Variants in ZC3H14 observed in about 807,000 individuals in gnomAD.
ZC3H14 encodes the protein zinc finger CCCH-type containing 14.
Under a neutral mutation model 92.4 loss-of-function variants are expected in ZC3H14, and 31 were observed. That is an observed-to-expected ratio of 0.34 (90% confidence interval 0.25 to 0.45). ZC3H14 has a LOEUF of 0.45. ZC3H14 is among the 20% of genes least tolerant of loss of function. The pLI, the probability that ZC3H14 is intolerant of heterozygous loss-of-function variation, is 1.00. For missense variants in ZC3H14, 781 were observed against 897.3 expected, an observed-to-expected ratio of 0.87 and a Z score of 1.66; for synonymous variants, 321 against 300.9, an observed-to-expected ratio of 1.07 and a Z score of -0.69.
In ZC3H14 at chr14:88,626,893, A is replaced by G; in HGVS notation, c.*15142A>G. Reference sequence around the variant, plus strand: ...CATCCGGGCATCTTCCAGTGTGCTCAGTAGCCCTTTTTTGCTAAGAAGAGC... The same window carrying G: ...CATCCGGGCATCTTCCAGTGTGCTCGGTAGCCCTTTTTTGCTAAGAAGAGC... On this transcript the variant is annotated 3_prime_UTR_variant, in exon 17 of 17. Transcript: ENST00000251038. 3.7e-6 allele frequency: 6 copies of G among 1,614,020 alleles called. No homozygotes were observed. Among genetic ancestry groups the G allele is most frequent in the Non-Finnish European group, 5.1e-6 (6 of 1,179,882 alleles).
chr14:88,626,946 ATG>A lies in ZC3H14; in HGVS notation c.*15197_*15198del. The A allele has an allele frequency of 6.2e-7, 1 of 1,613,960 alleles. No individual in the cohort carries two copies. The highest frequency in any genetic ancestry group is 8.5e-7 in the Non-Finnish European group (1 of 1,179,850). ...TTCCTGCCAGGGTCCAGAACTTCAC[ATG>A]TTTTACTCCCACTGAGACAAACTGG... On this transcript the variant is annotated 3_prime_UTR_variant, in exon 17 of 17. Coordinates refer to ENST00000251038, the MANE Select transcript of ZC3H14 (RefSeq NM_024824.5).
intron 3 of ZC3H14, 58 bp downstream of exon 3, chr14:88,568,211 T>C (rs1380718108): frequency 4.9e-6 from 7 of 1,437,062 alleles, no homozygotes; most frequent in South Asian, 2.4e-5. Context: ...TGAGTTGATA[T>C]TCTGTCCAAA....
Position 88,625,073 on chromosome 14 carries a change from G to T in ZC3H14, c.*13322G>T. 1 of 1,613,864 alleles carries T rather than the reference G, an allele frequency of 6.2e-7. No homozygotes were observed. Among genetic ancestry groups the T allele is most frequent in the Non-Finnish European group, 8.5e-7 (1 of 1,179,824 alleles). ...CTCGCCACGATTCTACACAATATGTGATCTTTCCACACACAGACATCACCA... is the reference window on the plus strand; with the variant it reads ...CTCGCCACGATTCTACACAATATGTTATCTTTCCACACACAGACATCACCA... On this transcript the variant is annotated 3_prime_UTR_variant, in exon 17 of 17. Coordinates refer to ENST00000251038, the MANE Select transcript of ZC3H14 (RefSeq NM_024824.5).
chr14:88,605,653 T>C (rs967894048), intron 12 of ZC3H14, among the ~76,000 whole-genome samples: 2 of 152,178 alleles, frequency 1.3e-5, no homozygotes, highest in Non-Finnish European at 2.9e-5. Context: ...AATAGGACTT[T>C]TACTATTTTT....
intron 9 of ZC3H14, among the ~76,000 whole-genome samples, chr14:88,593,634 G>C (rs190223906): frequency 7.9e-5 from 12 of 152,214 alleles, no homozygotes; most frequent in African/African-American, 1.2e-4. Context: ...AAAAGAATAG[G>C]TTTTTCCACA....
chr14:88,569,515 T>C (rs1854103101), intron 3 of ZC3H14, among the ~76,000 whole-genome samples: 1 of 152,188 alleles, frequency 6.6e-6, no homozygotes. Flanking sequence ...TGCTAGGTCC[T>C]GGTACCAGGT....
chr14:88,574,676 A>C lies in ZC3H14; in HGVS notation c.862-17A>C. ...ATTTTCTGAGATTAGGTAAGCATAA[A>C]TTTTATCTGATTGCAGGATGAAAAC... On this transcript the variant is annotated splice_polypyrimidine_tract_variant and intron_variant, in intron 6 of 16. Coordinates refer to ENST00000251038, the MANE Select transcript of ZC3H14 (RefSeq NM_024824.5). 6.2e-7 allele frequency: 1 copy of C among 1,614,002 alleles called. No individual in the cohort carries two copies. The highest frequency in any genetic ancestry group is 1.3e-5 in the African/African-American group (1 of 75,050).
chr14:88,602,083 G>A lies in ZC3H14; in HGVS notation c.1514G>A (p.Arg505Gln). ...RVLSGHLMQTRDLVQPDKPAS... is the reference protein window; with the variant it reads ...RVLSGHLMQTQDLVQPDKPAS... ...CTTTCAGGACACCTTATGCAGACAC[G>A]GTAGATGGTTTCTTTTTCTTGTGTA... The change falls in exon 11 of 17, where the codon CGA becomes CAA. Residue 505 changes from arginine (R) to glutamine (Q), a missense_variant and splice_region_variant. By Grantham distance (43) the Arg-to-Gln change is conservative. This residue lies in a region of ZC3H14 where 221 missense variants were observed against 304.7 expected (regional missense o/e 0.73). Coordinates refer to ENST00000251038, the MANE Select transcript of ZC3H14 (RefSeq NM_024824.5). 4.3e-6 allele frequency: 7 copies of A among 1,613,758 alleles called. No homozygotes were observed. Among genetic ancestry groups the A allele is most frequent in the Non-Finnish European group, 5.9e-6 (7 of 1,179,742 alleles).
intron 8 of ZC3H14, 80 bp downstream of exon 8, chr14:88,576,020 A>G (rs1382261190): frequency 4.8e-6 from 6 of 1,247,794 alleles, no homozygotes; most frequent in Non-Finnish European, 6.9e-6. Flanking sequence ...TGCTCCTTAA[A>G]TTGTAAAATA....
rs373144086 is a variant in ZC3H14, at chr14:88,616,153, A to G, written c.*4402A>G. 7.4e-6 allele frequency: 12 copies of G among 1,613,732 alleles called. No homozygotes were observed. The African/African-American group carries it at 1.6e-4, about 22-fold the overall frequency. On this transcript the variant is annotated 3_prime_UTR_variant, in exon 17 of 17. Coordinates refer to ENST00000251038, the MANE Select transcript of ZC3H14 (RefSeq NM_024824.5). Reference sequence around the variant, plus strand: ...AGAAAGTTACTAACCTGCAGTCATCACCTCCAGCACTAACAACATGTCGAT... The same window carrying G: ...AGAAAGTTACTAACCTGCAGTCATCGCCTCCAGCACTAACAACATGTCGAT...
At chr14:88,603,961 A>G (rs1023179034) in intron 12 of ZC3H14, among the ~76,000 whole-genome samples, 3 of 152,246 alleles carry the variant, frequency 2.0e-5, no homozygotes, top group Admixed American at 6.5e-5. Flanking sequence ...CTGTGAATCA[A>G]TGACGTAGTG....
At position 88,616,984 on chromosome 14, in the gene ZC3H14, CTTAA is replaced by C; in HGVS notation, c.*5234_*5237del. On this transcript the variant is annotated 3_prime_UTR_variant, in exon 17 of 17. Coordinates refer to ENST00000251038, the MANE Select transcript of ZC3H14 (RefSeq NM_024824.5). ...AATCTCTAAGTACCCTATCATGTTA[CTTAA>C]AATACAGGAAGTAAATTATGGTAAG... The C allele has an allele frequency of 2.9e-6, 3 of 1,041,278 alleles. No homozygotes were observed. The highest frequency in any genetic ancestry group is 4.1e-6 in the Non-Finnish European group (3 of 723,050). The allele number at this position is 1,041,278 out of a possible 1,614,324, so 64.5% of individuals were successfully genotyped here. A position where few individuals can be genotyped will look rare whatever the true frequency, so the allele number is the denominator to read the frequency against.
intron 1 of ZC3H14, 45 bp from the exon 2 acceptor site, chr14:88,563,606 C>G (rs573867720): frequency 3.1e-6 from 5 of 1,610,136 alleles, no homozygotes; most frequent in African/African-American, 2.7e-5. Context: ...TCTTGTTTTC[C>G]TAGAGCCGCC....
chr14:88,609,077 C>T, intron 13 of ZC3H14, 190 bp from the exon 14 acceptor site: 2 of 694,358 alleles, frequency 2.9e-6, no homozygotes, highest in East Asian at 2.9e-5. Context: ...TTGTGTTATC[C>T]CAAGCTTTGG....
In ZC3H14 at chr14:88,579,365, T is replaced by C. The variant is rs117012165; in HGVS notation, c.1279+1225T>C. Among the ~76,000 whole-genome samples the C allele has an allele frequency of 4.8e-3, 723 of 152,192 alleles. 1 individual carries two copies. Among genetic ancestry groups the C allele is most frequent in the African/African-American group, 0.01 (419 of 41,514 alleles). ...TCCCCAAACAGCAGATAGGTACCAATTGGAAAATGTGAATGGGCCAAATTG... is the reference window on the plus strand; with the variant it reads ...TCCCCAAACAGCAGATAGGTACCAACTGGAAAATGTGAATGGGCCAAATTG... On this transcript the variant is annotated intron_variant, in intron 9 of 16. Transcript: ENST00000251038.
chr14:88,582,662 C>G (rs2082037569), intron 9 of ZC3H14, among the ~76,000 whole-genome samples: 1 of 152,116 alleles, frequency 6.6e-6, no homozygotes, highest in Non-Finnish European at 1.5e-5. Context: ...TACAAAAATT[C>G]ATTAAGCTAT....
At chr14:88,567,176 C>T (rs2079783671) in intron 2 of ZC3H14, among the ~76,000 whole-genome samples, 1 of 147,870 alleles carries the variant, frequency 6.8e-6, no homozygotes, top group African/African-American at 2.5e-5. Context: ...AGTGCAGTGG[C>T]AGGATCTGAG....
chr14:88,616,250 A>T lies in ZC3H14; in HGVS notation c.*4499A>T. The T allele has an allele frequency of 6.2e-7, 1 of 1,613,312 alleles. No individual in the cohort carries two copies. The highest frequency in any genetic ancestry group is 8.5e-7 in the Non-Finnish European group (1 of 1,179,284). ...GAACCTTTTGTGTTTTGCCTAAAAA[A>T]CAATGACAGACAAGCTCAGGGCATT... On this transcript the variant is annotated 3_prime_UTR_variant, in exon 17 of 17. Transcript: ENST00000251038.
chr14:88,567,428 T>C (rs941218027), intron 2 of ZC3H14, among the ~76,000 whole-genome samples: 27 of 151,542 alleles, frequency 1.8e-4, no homozygotes, highest in Non-Finnish European at 1.9e-4. Flanking sequence ...TTTCTTTTTT[T>C]TTTTTTTTTA....
Sources: allele counts gnomAD v4.1 joint callset (sites outside exome capture counted in the v4.1 genomes callset), GRCh38; gene constraint gnomAD v4.1.1; regional missense constraint gnomAD v4.1.1; transcripts MANE v1.5; gene names NCBI Gene and HGNC (gene_info 2026-07-23, HGNC 2026-07-21).